CLYBL: variants seen among roughly 807,000 people sequenced by gnomAD.
CLYBL encodes citramalyl-CoA lyase, mitochondrial.
CLYBL carries 31 observed loss-of-function variants against 38.9 expected under a neutral mutation model. The ratio of observed to expected loss-of-function variants is 0.80; its 90% CI spans 0.60 to 1.08. The LOEUF (loss-of-function observed/expected upper bound fraction) is 1.08, where lower values mean the gene tolerates loss of function less well. CLYBL is among the 50% of genes least tolerant of loss of function. The pLI, the probability that CLYBL is intolerant of heterozygous loss-of-function variation, is 0.00. For missense variants in CLYBL, 434 were observed against 411.6 expected, an observed-to-expected ratio of 1.05 and a Z score of -0.47; for synonymous variants, 171 against 158.6, an observed-to-expected ratio of 1.08 and a Z score of -0.59.
chr13:99,772,604 G>C (rs766726504), intron 1 of CLYBL, among the ~76,000 whole-genome samples: 1 of 152,186 alleles, frequency 6.6e-6, no homozygotes, highest in South Asian at 2.1e-4. Context: ...AGGCTGAGGT[G>C]GGAGGATCAC....
At chr13:99,631,949 A>C in intron 1 of CLYBL, among the ~76,000 whole-genome samples, 1 of 152,216 alleles carries the variant, frequency 6.6e-6, no homozygotes, top group Non-Finnish European at 1.5e-5. Flanking sequence ...GAAAGCAAGC[A>C]AAATCAGGCA....
chr13:99,724,426 C>T (rs930717765), intron 1 of CLYBL, among the ~76,000 whole-genome samples: 8 of 151,916 alleles, frequency 5.3e-5, no homozygotes, highest in Admixed American at 1.3e-4. Flanking sequence ...ATGTTCCTGG[C>T]GGTGGAGTAT....
intron 1 of CLYBL, among the ~76,000 whole-genome samples, chr13:99,710,614 C>T (rs2139488981): frequency 6.6e-6 from 1 of 152,280 alleles, no homozygotes; most frequent in East Asian, 1.9e-4. Flanking sequence ...CAGTCCTTTT[C>T]TTTATCTTCC....
At chr13:99,770,971 T>TG (rs1176880890) in intron 1 of CLYBL, among the ~76,000 whole-genome samples, 20 of 148,442 alleles carry the variant, frequency 1.3e-4, no homozygotes, top group Non-Finnish European at 3.0e-5. Flanking sequence ...CCACCCGCCT[T>TG]GGCCTCCCAA....
chr13:99,790,163 T>G (rs976496485), intron 2 of CLYBL, among the ~76,000 whole-genome samples: 1 of 152,204 alleles, frequency 6.6e-6, no homozygotes, highest in Non-Finnish European at 1.5e-5. Flanking sequence ...TTTGCCAGTC[T>G]GTGTCTTTTA....
chr13:99,795,066 A>C (rs1224241567), intron 2 of CLYBL, among the ~76,000 whole-genome samples: 1 of 152,220 alleles, frequency 6.6e-6, no homozygotes, highest in Non-Finnish European at 1.5e-5. Flanking sequence ...TGTACCGGCT[A>C]TGCAGGCCGC....
intron 1 of CLYBL, among the ~76,000 whole-genome samples, chr13:99,609,680 G>A (rs1446733687): frequency 3.3e-5 from 5 of 151,950 alleles, no homozygotes; most frequent in Non-Finnish European, 7.4e-5. Flanking sequence ...GGGACTACAG[G>A]TGTGCACCAC....
chr13:99,904,296 C>T (rs2152138820), intron 8 of CLYBL, among the ~76,000 whole-genome samples: 1 of 152,268 alleles, frequency 6.6e-6, no homozygotes, highest in East Asian at 1.9e-4. Flanking sequence ...ACTCCCAGAC[C>T]TCGAAAGGCG....
intron 1 of CLYBL, among the ~76,000 whole-genome samples, chr13:99,614,790 C>G (rs759961170): frequency 2.6e-5 from 4 of 152,104 alleles, no homozygotes; most frequent in Non-Finnish European, 4.4e-5. Context: ...AGGCCGGGAC[C>G]TGAAGATCAA....
At chr13:99,844,923 C>T (rs2051164710) in intron 2 of CLYBL, among the ~76,000 whole-genome samples, 1 of 152,220 alleles carries the variant, frequency 6.6e-6, no homozygotes. Flanking sequence ...AATTTCCGTA[C>T]AATTCCATTT....
chr13:99,887,740 G>A (rs748228158), intron 7 of CLYBL, among the ~76,000 whole-genome samples: 17 of 152,212 alleles, frequency 1.1e-4, no homozygotes, highest in Non-Finnish European at 2.2e-4. Flanking sequence ...GTGACAGAGT[G>A]AAACCCAAGG....
chr13:99,812,860 G>A (rs1034220660), intron 2 of CLYBL, among the ~76,000 whole-genome samples: 1 of 152,144 alleles, frequency 6.6e-6, no homozygotes, highest in Non-Finnish European at 1.5e-5. Flanking sequence ...CCAAGGGGGG[G>A]CCCTGTCATG....
intron 1 of CLYBL, among the ~76,000 whole-genome samples, chr13:99,697,033 C>A (rs2047990457): frequency 6.6e-6 from 1 of 152,118 alleles, no homozygotes; most frequent in African/African-American, 2.4e-5. Context: ...CAGCCATTGT[C>A]CTGTAATGCC....
intron 2 of CLYBL, among the ~76,000 whole-genome samples, chr13:99,821,465 T>G (rs2050587076): frequency 6.6e-6 from 1 of 152,210 alleles, no homozygotes; most frequent in African/African-American, 2.4e-5. Context: ...CTTAATTTTC[T>G]TTTCTTTGTT....
chr13:99,876,213 A>C (rs1375720679), intron 7 of CLYBL, among the ~76,000 whole-genome samples: 1 of 150,992 alleles, frequency 6.6e-6, no homozygotes, highest in African/African-American at 2.4e-5. Flanking sequence ...CAAGGTCAGG[A>C]GTTTGAGACC....
chr13:99,711,240 A>T (rs1355080697), intron 1 of CLYBL, among the ~76,000 whole-genome samples: 1 of 151,920 alleles, frequency 6.6e-6, no homozygotes, highest in East Asian at 1.9e-4. Context: ...GTGTCTTATA[A>T]GCAACAGAAA....
rs530509331 is a variant in CLYBL, at chr13:99,695,375, A to C, written c.63-77449A>C. On this transcript the variant is annotated intron_variant, in intron 1 of 8. Transcript: ENST00000339105. ...TTTTATGTGACACAGGAGGCTTCTGAAATGAAGCCTCAAAGACCCAGGGAA... is the reference window on the plus strand; with the variant it reads ...TTTTATGTGACACAGGAGGCTTCTGCAATGAAGCCTCAAAGACCCAGGGAA... 4.6e-5 allele frequency among the ~76,000 whole-genome samples: 7 copies of C among 152,304 alleles called. No individual in the cohort carries two copies. In the East Asian group the frequency reaches 1.4e-3, roughly 29 times the overall value.
chr13:99,883,256 T>TA (rs1354759922), intron 7 of CLYBL, among the ~76,000 whole-genome samples: 1 of 152,074 alleles, frequency 6.6e-6, no homozygotes, highest in Admixed American at 6.6e-5. Context: ...CGCAGTGGCT[T>TA]ACCCCTGTAA....
At chr13:99,689,790 G>A (rs9517835) in intron 1 of CLYBL, among the ~76,000 whole-genome samples, 51,826 of 152,010 alleles carry the variant, frequency 0.34, 9,275 homozygotes, top group East Asian at 0.59. Context: ...TTTTTAAAAG[G>A]ATTTAACTTT....
Sources: gnomAD v4.1 joint callset for allele counts (sites outside exome capture counted in the v4.1 genomes callset) on GRCh38, gnomAD v4.1.1 for gene constraint, MANE v1.5 for transcripts, NCBI Gene and HGNC (gene_info 2026-07-23, HGNC 2026-07-21) for gene names.